The following PRDM11 variants were observed in gnomAD, a reference collection of about 807,000 sequenced individuals.
PRDM11 encodes PR domain-containing protein 11.
A neutral mutation model predicts 97.8 loss-of-function variants in PRDM11; 20 were observed. The ratio of observed to expected loss-of-function variants is 0.20; its 90% CI spans 0.14 to 0.30. PRDM11 has a LOEUF of 0.30. Among genes scored for constraint, PRDM11 ranks in the 10% least tolerant of loss-of-function variants. The probability of loss-of-function intolerance (pLI) is 1.00; values close to 1 mark genes in which losing one functional copy is unlikely to be tolerated. For missense variants in PRDM11, 1,139 were observed against 1,555.2 expected, an observed-to-expected ratio of 0.73 and a Z score of 4.50; for synonymous variants, 599 against 637.7, an observed-to-expected ratio of 0.94 and a Z score of 0.91.
chr11:45,152,396 C>G, intron 1 of PRDM11, among the ~76,000 whole-genome samples: 1 of 152,138 alleles, frequency 6.6e-6, no homozygotes. Flanking sequence ...AAATTGCAAC[C>G]CACCCCAACA....
rs1854374983 is a variant in PRDM11, at chr11:45,230,277, C to A, written c.*2118C>A. The A allele has an allele frequency of 6.6e-6, 1 of 152,114 alleles. No individual in the cohort carries two copies. The highest frequency in any genetic ancestry group is 1.5e-5 in the Non-Finnish European group (1 of 68,020). The allele number at this position is 152,114 out of a possible 1,614,324, so 9.4% of individuals were successfully genotyped here. The stretch of plus-strand genomic sequence containing the variant: ...CTGCCTTCTTCAACAAATCAATGCA[C>A]CCCTGCCTGGTGACATCCACCCCAC... On this transcript the variant is annotated 3_prime_UTR_variant, in exon 8 of 8. Coordinates refer to ENST00000683152, the MANE Select transcript of PRDM11 (RefSeq NM_001384648.1).
At chr11:45,178,425 T>TA (rs536450999) in intron 1 of PRDM11, among the ~76,000 whole-genome samples, 66 of 152,124 alleles carry the variant, frequency 4.3e-4, no homozygotes, top group African/African-American at 1.5e-3. Flanking sequence ...TCCTACCCCC[T>TA]AGTGCTCCAT....
At chr11:45,123,154 T>C (rs188763763) in intron 1 of PRDM11, among the ~76,000 whole-genome samples, 1 of 152,334 alleles carries the variant, frequency 6.6e-6, no homozygotes, top group Non-Finnish European at 1.5e-5. Flanking sequence ...TTGAGAAGTG[T>C]CTGTTCATAT....
intron 4 of PRDM11, among the ~76,000 whole-genome samples, chr11:45,193,455 A>G (rs1478950318): frequency 6.6e-6 from 1 of 152,216 alleles, no homozygotes; most frequent in Non-Finnish European, 1.5e-5. Flanking sequence ...AAAGGGCTAG[A>G]TAGTGAATAT....
At chr11:45,130,916 C>A (rs981926622) in intron 1 of PRDM11, among the ~76,000 whole-genome samples, 1 of 152,072 alleles carries the variant, frequency 6.6e-6, no homozygotes, top group Non-Finnish European at 1.5e-5. Context: ...ACCCAAGATA[C>A]ATTAGAGTAC....
chr11:45,234,846 C>T lies in PRDM11; in HGVS notation c.*6687C>T, dbSNP rs1368082653. ...TGCTGAACCATTTTCATGTCAATCA[C>T]AAAGGAAAAATAAGTGGGGATGGGG... On this transcript the variant is annotated 3_prime_UTR_variant, in exon 8 of 8. Transcript: ENST00000683152. The T allele has an allele frequency of 1.3e-5, 2 of 152,060 alleles. No individual in the cohort carries two copies. Among genetic ancestry groups the T allele is most frequent in the Non-Finnish European group, 2.9e-5 (2 of 68,056 alleles). 9.4% of individuals were successfully genotyped at this position (152,060 alleles called of 1,614,324 possible).
At chr11:45,196,307 C>T (rs1303500993) in intron 4 of PRDM11, among the ~76,000 whole-genome samples, 1 of 152,114 alleles carries the variant, frequency 6.6e-6, no homozygotes, top group Non-Finnish European at 1.5e-5. Context: ...GAGAGCTACC[C>T]AGGATGGATG....
intron 1 of PRDM11, among the ~76,000 whole-genome samples, chr11:45,167,595 A>C (rs1445575921): frequency 6.6e-6 from 1 of 152,202 alleles, no homozygotes; most frequent in African/African-American, 2.4e-5. Flanking sequence ...GAGCAGTTGC[A>C]CAGTGTTCAC....
chr11:45,196,580 T>C (rs773332420), intron 4 of PRDM11, among the ~76,000 whole-genome samples: 1 of 152,128 alleles, frequency 6.6e-6, no homozygotes, highest in Non-Finnish European at 1.5e-5. Context: ...AACTAAGAGA[T>C]GGGATTGAGG....
intron 1 of PRDM11, among the ~76,000 whole-genome samples, chr11:45,180,009 C>T (rs1346705201): frequency 3.3e-5 from 5 of 152,250 alleles, no homozygotes; most frequent in East Asian, 3.8e-4. Context: ...CCTGAACCCA[C>T]TTAAGGGTGA....
intron 1 of PRDM11, among the ~76,000 whole-genome samples, chr11:45,149,176 C>T (rs1479692680): frequency 6.6e-6 from 1 of 152,240 alleles, no homozygotes; most frequent in African/African-American, 2.4e-5. Context: ...TGTCTACCTG[C>T]AGTCACCCCC....
intron 1 of PRDM11, among the ~76,000 whole-genome samples, chr11:45,167,258 G>T (rs1590398982): frequency 6.6e-6 from 1 of 152,320 alleles, no homozygotes; most frequent in Non-Finnish European, 1.5e-5. Context: ...ACATGAGAAG[G>T]TTCTTAATTC....
intron 1 of PRDM11, among the ~76,000 whole-genome samples, chr11:45,165,680 C>T (rs1354352626): frequency 2.0e-5 from 3 of 152,232 alleles, no homozygotes; most frequent in African/African-American, 7.2e-5. Context: ...TCGGATTTCC[C>T]AGAAAAGCTG....
intron 5 of PRDM11, chr11:45,208,772 G>C (rs895498355): frequency 2.8e-6 from 1 of 361,304 alleles, no homozygotes; most frequent in African/African-American, 2.1e-5. Flanking sequence ...GTTGCCCCAG[G>C]TGCCTCCTGG....
chr11:45,151,779 G>C (rs1053334830), intron 1 of PRDM11, among the ~76,000 whole-genome samples: 1 of 152,228 alleles, frequency 6.6e-6, no homozygotes, highest in East Asian at 1.9e-4. Context: ...TAGCACAGGA[G>C]GGGAGAGGCT....
chr11:45,192,432 G>A (rs1477269115), intron 4 of PRDM11, among the ~76,000 whole-genome samples: 1 of 152,186 alleles, frequency 6.6e-6, no homozygotes, highest in Non-Finnish European at 1.5e-5. Context: ...TTTTATAAGT[G>A]CTGGTAGTTT....
In PRDM11 at chr11:45,099,319, T is replaced by C. The variant is rs558345806; in HGVS notation, c.96+3418T>C. 3.3e-5 allele frequency among the ~76,000 whole-genome samples: 5 copies of C among 152,066 alleles called. No individual in the cohort carries two copies. The East Asian group carries it at 9.7e-4, about 29-fold the overall frequency. On this transcript the variant is annotated intron_variant, in intron 1 of 6. Coordinates refer to the PRDM11 transcript ENST00000530656. The stretch of plus-strand genomic sequence containing the variant: ...GATACAAAAAAATTAGGTGTGGTGA[T>C]GTGTGCCTGTAGTTCCGGCTACTCC...
intron 5 of PRDM11, among the ~76,000 whole-genome samples, chr11:45,209,512 TA>T (rs763879749): frequency 1.3e-5 from 2 of 152,112 alleles, no homozygotes; most frequent in Non-Finnish European, 2.9e-5. Context: ...AGAGCCGTGC[TA>T]GGAGCTGGGA....
chr11:45,213,667 T>C (rs1853860627), intron 5 of PRDM11: 1 of 456,296 alleles, frequency 2.2e-6, no homozygotes, highest in Admixed American at 2.4e-5. Context: ...TTTATGCTTT[T>C]CCTCGCCCTT....
Sources: allele counts gnomAD v4.1 joint callset (sites outside exome capture counted in the v4.1 genomes callset), GRCh38; gene constraint gnomAD v4.1.1; transcripts MANE v1.5; gene names NCBI Gene and HGNC (gene_info 2026-07-23, HGNC 2026-07-21).